ADCY3: variants seen among roughly 807,000 people sequenced by gnomAD.
The protein encoded by ADCY3 is adenylate cyclase 3.
ADCY3 carries 70 observed loss-of-function variants against 119.4 expected under a neutral mutation model. That is an observed-to-expected ratio of 0.59 (90% CI 0.48 to 0.72). The LOEUF is 0.72. Among genes scored for constraint, ADCY3 ranks in the 30% least tolerant of loss-of-function variants. The pLI is 0.00. For missense variants in ADCY3, 1,238 were observed against 1,541.6 expected, an observed-to-expected ratio of 0.80 and a Z score of 3.30; for synonymous variants, 672 against 621.4, an observed-to-expected ratio of 1.08 and a Z score of -1.21.
rs887519596 is a variant in ADCY3 at position 24,878,239 on chromosome 2, T to C, written c.676-5520A>G. ...TGACAGCCTGATAAAGTGTTTCTAA[T>C]ATCCCGGCTCAGAACGCAACCATGA... On this transcript the variant is annotated intron_variant, in intron 2 of 21. Coordinates refer to ENST00000679454, the MANE Select transcript of ADCY3 (RefSeq NM_004036.5). This position sits in a 1 kb window ranked among gnomAD's most constrained non-coding sequence, Gnocchi z 4.0. Among the ~76,000 whole-genome samples the C allele has an allele frequency of 1.3e-5, 2 of 152,190 alleles. No homozygotes were observed. Among genetic ancestry groups the C allele is most frequent in the Admixed American group, 1.3e-4 (2 of 15,286 alleles).
At position 24,840,113 on chromosome 2, in the gene ADCY3, C is replaced by A. The variant is rs574525824; in HGVS notation, c.1197-82G>T. On this transcript the variant is annotated intron_variant, in intron 6 of 21. Coordinates refer to ENST00000679454, the MANE Select transcript of ADCY3 (RefSeq NM_004036.5). ...TGCCCCTGCTCCTGCAGGAGAAATT[C>A]ATTGTGGGCCTCTTCCCCTCCACAA... 3.3e-6 allele frequency: 5 copies of A among 1,521,180 alleles called. No homozygotes were observed. In the African/African-American group the frequency reaches 4.1e-5, roughly 12 times the overall value. 94.2% of individuals were successfully genotyped at this position (1,521,180 alleles called of 1,614,324 possible).
Position 24,841,603 on chromosome 2 carries a change from C to T in ADCY3, c.1021G>A (p.Val341Met). ...GCAAAGAGCTCGTTGAGCAGCTTCA[C>T]AAGCTCCTGGGCACTGCAGGCAGAA... ...LSSACSAQEL[V>M]KLLNELFARF... Residue 341 changes from valine (V) to methionine (M), a missense_variant, in exon 5 of 22, where the codon GTG becomes ATG. Physicochemically the swap from Val to Met is conservative, Grantham distance 21. Coordinates refer to ENST00000679454, the MANE Select transcript of ADCY3 (RefSeq NM_004036.5). The surrounding 1 kb of genome is among the most constrained non-coding windows in gnomAD (Gnocchi z 5.8). The T allele has an allele frequency of 1.2e-6, 2 of 1,613,672 alleles. No homozygotes were observed.
Position 24,834,415 on chromosome 2 carries a change from C to CGGGGGG in ADCY3, c.1967+69_1967+70insCCCCCC. ...CAATGTCAGGCTCCCGCTGAGACAC[C>CGGGGGG]TGCCCCCGCCCCCCGCCCGGCACCA... On this transcript the variant is annotated intron_variant, in intron 11 of 21. Transcript: ENST00000679454. The surrounding 1 kb of genome is among the most constrained non-coding windows in gnomAD (Gnocchi z 4.2). 9.8e-7 allele frequency: 1 copy of CGGGGGG among 1,025,128 alleles called. No homozygotes were observed. Among genetic ancestry groups the CGGGGGG allele is most frequent in the Non-Finnish European group, 1.4e-6 (1 of 706,132 alleles). 63.5% of individuals were successfully genotyped at this position (1,025,128 alleles called of 1,614,324 possible).
intron 3 of ADCY3, among the ~76,000 whole-genome samples, chr2:24,852,258 C>G (rs1158231849): frequency 6.6e-6 from 1 of 152,202 alleles, no homozygotes; most frequent in Non-Finnish European, 1.5e-5. Flanking sequence ...GTCCGCTCCT[C>G]CTCTGCAATC....
At chr2:24,862,438 C>T (rs1372124580) in intron 3 of ADCY3, among the ~76,000 whole-genome samples, 5 of 151,574 alleles carry the variant, frequency 3.3e-5, no homozygotes, top group East Asian at 1.9e-4. Context: ...CCCAGCTACA[C>T]GGGAGGCTGA....
intron 2 of ADCY3, among the ~76,000 whole-genome samples, chr2:24,891,161 G>A (rs1388043693): frequency 1.3e-5 from 2 of 152,138 alleles, no homozygotes; most frequent in East Asian, 1.9e-4. Context: ...GAGCCACTGC[G>A]CCCGGCCTAG....
rs956455196 is a variant in ADCY3, at chr2:24,898,559, T to G, written c.675+19754A>C. Among the ~76,000 whole-genome samples the G allele has an allele frequency of 6.6e-6, 1 of 151,928 alleles. No homozygotes were observed. The highest frequency in any genetic ancestry group is 1.5e-5 in the Non-Finnish European group (1 of 67,978). On this transcript the variant is annotated intron_variant, in intron 2 of 21. Coordinates refer to ENST00000679454, the MANE Select transcript of ADCY3 (RefSeq NM_004036.5). The surrounding 1 kb of genome is among the most constrained non-coding windows in gnomAD (Gnocchi z 4.3). ...CAATTACACTCAGCCAGAGGAAATA[T>G]CCTCCGAAGATCTTCACTCTCAAAT...
chr2:24,915,864 C>T (rs2149083252), intron 2 of ADCY3, among the ~76,000 whole-genome samples: 1 of 152,260 alleles, frequency 6.6e-6, no homozygotes, highest in Middle Eastern at 3.4e-3. Flanking sequence ...CTTCAGAGGC[C>T]AAATGCCGGG....
intron 2 of ADCY3, among the ~76,000 whole-genome samples, chr2:24,891,492 T>C (rs1422875479): frequency 1.3e-5 from 2 of 152,214 alleles, no homozygotes; most frequent in African/African-American, 2.4e-5. Flanking sequence ...CTTATTTTAC[T>C]TTATAATGGC....
intron 2 of ADCY3, among the ~76,000 whole-genome samples, chr2:24,881,346 C>T (rs1433571762): frequency 1.3e-5 from 2 of 152,154 alleles, no homozygotes; most frequent in African/African-American, 4.8e-5. Flanking sequence ...TGTTATGCAG[C>T]ATTAGGTGAA....
chr2:24,829,322 C>G (rs1669099787), intron 13 of ADCY3, among the ~76,000 whole-genome samples: 1 of 150,924 alleles, frequency 6.6e-6, no homozygotes, highest in Non-Finnish European at 1.5e-5. Flanking sequence ...CGGCCCCCCA[C>G]TGGACTTCTG....
At chr2:24,830,854 G>A (rs1395816326) in intron 12 of ADCY3, 29 bp from the exon 13 acceptor site, 2 of 1,567,176 alleles carry the variant, frequency 1.3e-6, no homozygotes, top group Admixed American at 1.7e-5. Context: ...CAAGGGCCAT[G>A]AGCCTTTGCC....
chr2:24,911,637 C>CAAA (rs60134317), intron 2 of ADCY3, among the ~76,000 whole-genome samples: 2 of 106,142 alleles, frequency 1.9e-5, no homozygotes, highest in Admixed American at 1.1e-4. Context: ...GAGACAGACT[C>CAAA]AAAAAAAAAA....
rs1669524032 is a variant in ADCY3, at chr2:24,831,659, T to C, written c.2055+3A>G. 1 of 1,613,308 alleles carries C rather than the reference T, an allele frequency of 6.2e-7. No individual in the cohort carries two copies. The highest frequency in any genetic ancestry group is 8.5e-7 in the Non-Finnish European group (1 of 1,179,552). On this transcript the variant is annotated splice_donor_region_variant and intron_variant, in intron 12 of 21. Coordinates refer to ENST00000679454, the MANE Select transcript of ADCY3 (RefSeq NM_004036.5). ...CTGAGCTCAGTAGAAAAGTGCCTCTTACCCGGGGAAAGATGGCAGCCAGGG... is the reference window on the plus strand; with the variant it reads ...CTGAGCTCAGTAGAAAAGTGCCTCTCACCCGGGGAAAGATGGCAGCCAGGG...
At chr2:24,828,220 C>T in intron 13 of ADCY3, 59 bp from the exon 14 acceptor site, 1 of 1,594,208 alleles carries the variant, frequency 6.3e-7, no homozygotes, top group Non-Finnish European at 8.5e-7. Context: ...GTGCTGGTCA[C>T]AGAGGGCTGT....
chr2:24,877,854 G>A, intron 2 of ADCY3: 1 of 470,526 alleles, frequency 2.1e-6, no homozygotes, highest in South Asian at 1.6e-5. Flanking sequence ...TTACTTCTGG[G>A]CCCAAGGGCA....
At chr2:24,856,010 C>T (rs1386858402) in intron 3 of ADCY3, among the ~76,000 whole-genome samples, 5 of 152,142 alleles carry the variant, frequency 3.3e-5, no homozygotes, top group Admixed American at 3.3e-4. Flanking sequence ...AGCTGAGGCT[C>T]TGATGAGGCA....
intron 2 of ADCY3, among the ~76,000 whole-genome samples, chr2:24,900,073 A>G (rs4077680): frequency 0.47 from 70,676 of 150,972 alleles, 19,469 homozygotes; most frequent in African/African-American, 0.78. Context: ...TACATTTGTT[A>G]CTTTTATGTT....
intron 2 of ADCY3, among the ~76,000 whole-genome samples, chr2:24,907,581 A>G (rs566814900): frequency 6.6e-6 from 1 of 152,340 alleles, no homozygotes; most frequent in South Asian, 2.1e-4. Context: ...ACCTGCTCAG[A>G]AGAAGGAAGA....
Sources: gnomAD v4.1 joint callset for allele counts (sites outside exome capture counted in the v4.1 genomes callset) on GRCh38, gnomAD v4.1.1 for gene constraint, Gnocchi (gnomAD v3.1) non-coding constraint, MANE v1.5 for transcripts, NCBI Gene and HGNC (gene_info 2026-07-23, HGNC 2026-07-21) for gene names.